ZNF460: variants seen among roughly 807,000 people sequenced by gnomAD.
ZNF460 encodes the protein zinc finger protein 460, also known as zinc finger protein 272.
In ZNF460, 1 loss-of-function variant was observed where a neutral mutation model predicts 8.4. The ratio of observed to expected loss-of-function variants is 0.12; its 90% CI spans 0.04 to 0.56. The LOEUF (loss-of-function observed/expected upper bound fraction) is 0.56. Ranked by LOEUF, ZNF460 falls within the 20% of genes least tolerant of loss-of-function variation. ZNF460 has a pLI of 0.91. For synonymous variants in ZNF460, 262 were observed against 259.9 expected (o/e 1.01, Z -0.08); for missense variants, 477 against 714.8 (o/e 0.67, Z 3.79).
chr19:57,291,895 C>A lies in ZNF460; in HGVS notation c.1354C>A (p.Gln452Lys). The change falls in exon 3 of 3, where the codon CAA becomes AAA. Residue 452 changes from glutamine to lysine, a missense_variant. Gln to Lys is a moderately conservative substitution (Grantham distance 53). Coordinates refer to ENST00000360338, the MANE Select transcript of ZNF460 (RefSeq NM_006635.4). This position sits in a 1 kb window ranked among gnomAD's most constrained non-coding sequence, Gnocchi z 8.4. ...HTGEKPYVCI[Q>K]CGKAFCRTTN... ...TGGAGAGAAGCCGTATGTATGCATC[C>A]AATGTGGGAAAGCCTTTTGTCGGAC... 6.2e-7 allele frequency: 1 copy of A among 1,613,852 alleles called. No homozygotes were observed. The highest frequency in any genetic ancestry group is 8.5e-7 in the Non-Finnish European group (1 of 1,179,958).
chr19:57,292,062 C>T lies in ZNF460; in HGVS notation c.1521C>T (p.Ile507=), dbSNP rs553983779. 1.2e-6 allele frequency: 2 copies of T among 1,614,194 alleles called. No individual in the cohort carries two copies. The highest frequency in any genetic ancestry group is 1.7e-6 in the Non-Finnish European group (2 of 1,180,042). Reference sequence around the variant, plus strand: ...CTGCAGAGAAGTCCCACGAACCCATCCAGAGTGGGAACGTTTCTTGTGAGA... The same window carrying T: ...CTGCAGAGAAGTCCCACGAACCCATTCAGAGTGGGAACGTTTCTTGTGAGA... ...IHTAEKSHEP[I]QSGNVSCEST... is the part of the protein sequence containing the mutation. The change falls in exon 3 of 3, where the codon ATC becomes ATT. Residue 507 remains isoleucine, a synonymous_variant. Transcript: ENST00000360338.
intron 1 of ZNF460, among the ~76,000 whole-genome samples, chr19:57,281,533 C>T (rs1038557085): frequency 6.6e-6 from 1 of 151,016 alleles, no homozygotes; most frequent in Non-Finnish European, 1.5e-5. Flanking sequence ...TATTATTTAA[C>T]CCTCAGTTCG....
Position 57,292,244 on chromosome 19 carries a change from A to G in ZNF460, c.*14A>G, listed in dbSNP as rs1195151043. The G allele has an allele frequency of 6.3e-7, 1 of 1,596,864 alleles. No individual in the cohort carries two copies. Among genetic ancestry groups the G allele is most frequent in the Non-Finnish European group, 8.6e-7 (1 of 1,168,708 alleles). ...CTACCATTGTAACAGATGTGGAAAG[A>G]CTTTTTACGTACACTTCAGTCAACA... On this transcript the variant is annotated 3_prime_UTR_variant, in exon 3 of 3. Transcript: ENST00000360338.
Position 57,292,213 on chromosome 19 carries a change from G to A in ZNF460, c.1672G>A (p.Glu558Lys). The A allele has an allele frequency of 6.2e-7, 1 of 1,611,944 alleles. No homozygotes were observed. Among genetic ancestry groups the A allele is most frequent in the Non-Finnish European group, 8.5e-7 (1 of 1,178,290 alleles). The change falls in exon 3 of 3, where the codon GAA (glutamate) becomes AAA (lysine). Residue 558 changes from glutamate to lysine, a missense_variant. This residue lies in a region of ZNF460 where 83 missense variants were observed against 82.3 expected (regional missense o/e 1.01). Coordinates refer to ENST00000360338, the MANE Select transcript of ZNF460 (RefSeq NM_006635.4). The part of the protein sequence containing the change: ...SLDINGFIVE[E>K]TLPL ...CGACATCAACGGATTCATAGTGGAA[G>A]AAACCCTACCATTGTAACAGATGTG...
At chr19:57,281,556 A>ATTTTTTTTTTTT (rs71293946) in intron 1 of ZNF460, among the ~76,000 whole-genome samples, 1 of 85,042 alleles carries the variant, frequency 1.2e-5, no homozygotes, top group African/African-American at 4.9e-5. Flanking sequence ...TAACCCTGAA[A>ATTTTTTTTTTTT]TTTTTTTTTT....
Position 57,280,753 on chromosome 19 carries a change from G to C in ZNF460, c.-54G>C. ...CGGAGTGCGAAAGTCAGCCGAGGTC[G>C]CCCCGCCCAGGACAGAGAAGGGCTG... On this transcript the variant is annotated 5_prime_UTR_variant, in exon 1 of 3. Transcript: ENST00000360338. 6.2e-7 allele frequency: 1 copy of C among 1,609,624 alleles called. No homozygotes were observed. Among genetic ancestry groups the C allele is most frequent in the Non-Finnish European group, 8.5e-7 (1 of 1,177,728 alleles).
intron 2 of ZNF460, among the ~76,000 whole-genome samples, chr19:57,285,396 C>A (rs1037768364): frequency 1.3e-5 from 2 of 152,060 alleles, no homozygotes; most frequent in Non-Finnish European, 2.9e-5. Flanking sequence ...ACGAAGTGAC[C>A]GTCTAGTCTT....
At chr19:57,281,232 C>T (rs904736373) in intron 1 of ZNF460, among the ~76,000 whole-genome samples, 3 of 152,176 alleles carry the variant, frequency 2.0e-5, no homozygotes, top group Non-Finnish European at 4.4e-5. Flanking sequence ...TTTCTCCTTG[C>T]ACTTCCTTTT....
rs775935835 is a variant in ZNF460, at chr19:57,284,574, G to A, written c.54G>A (p.Val18=). Residue 18 remains valine (V), a synonymous_variant, in exon 2 of 3, where the codon GTG becomes GTA. Coordinates refer to ENST00000360338, the MANE Select transcript of ZNF460 (RefSeq NM_006635.4). The part of the protein sequence containing the change: ...PAQESVTFED[V]AVTFTQEEWG... ...AGGAGTCTGTGACCTTCGAGGATGT[G>A]GCTGTGACATTTACCCAGGAGGAGT... 3 of 1,612,986 alleles carry A rather than the reference G, an allele frequency of 1.9e-6. No homozygotes were observed. Among genetic ancestry groups the A allele is most frequent in the Non-Finnish European group, 2.5e-6 (3 of 1,179,616 alleles).
chr19:57,282,868 G>A (rs1049638354), intron 1 of ZNF460, among the ~76,000 whole-genome samples: 1 of 152,050 alleles, frequency 6.6e-6, no homozygotes, highest in Non-Finnish European at 1.5e-5. Flanking sequence ...TCATGTGCCT[G>A]TAGTCCCAGC....
At chr19:57,281,705 A>T (rs1332024835) in intron 1 of ZNF460, among the ~76,000 whole-genome samples, 1 of 151,690 alleles carries the variant, frequency 6.6e-6, no homozygotes, top group Non-Finnish European at 1.5e-5. Flanking sequence ...AGCTGGGACT[A>T]CAGGTGTGCG....
intron 1 of ZNF460, 54 bp downstream of exon 1, chr19:57,280,890 G>A (rs941842534): frequency 8.7e-6 from 14 of 1,610,444 alleles, no homozygotes; most frequent in African/African-American, 1.3e-5. Context: ...TAGAGGCCTC[G>A]TGGGCAGGCT....
rs2087927302 is a variant in ZNF460 at position 57,292,648 on chromosome 19, C to T, written c.*418C>T. 1 of 163,734 alleles carries T rather than the reference C, an allele frequency of 6.1e-6. No homozygotes were observed. The highest frequency in any genetic ancestry group is 1.6e-4 in the South Asian group (1 of 6,254). 10.1% of individuals were successfully genotyped at this position (163,734 alleles called of 1,614,324 possible). A position where few individuals can be genotyped will look rare whatever the true frequency, so the allele number is the denominator to read the frequency against. On this transcript the variant is annotated 3_prime_UTR_variant, in exon 3 of 3. Coordinates refer to ENST00000360338, the MANE Select transcript of ZNF460 (RefSeq NM_006635.4). Reference sequence around the variant, plus strand: ...GAAGCACAGCTTCTTTCAGACTTCCCTGACAAGCCCATGGCAATTTGTCAT... The same window carrying T: ...GAAGCACAGCTTCTTTCAGACTTCCTTGACAAGCCCATGGCAATTTGTCAT...
Position 57,280,804 on chromosome 19 carries a change from G to GGGATGGCGGCGGCGT in ZNF460, c.6_20dup. On this transcript the variant is annotated 5_prime_UTR_variant, in exon 1 of 3. It adds an upstream start codon to the 5' untranslated region. Transcript: ENST00000360338. ...TGGTCGGCTGATCCGCGGCATTCCC[G>GGGATGGCGGCGGCGT]GGATGGCGGCGGCGTGGATGGCTCC... 6.2e-7 allele frequency: 1 copy of GGGATGGCGGCGGCGT among 1,614,062 alleles called. No homozygotes were observed. Among genetic ancestry groups the GGGATGGCGGCGGCGT allele is most frequent in the Non-Finnish European group, 8.5e-7 (1 of 1,179,990 alleles).
chr19:57,280,618 C>A lies in ZNF460; in HGVS notation c.-189C>A. On this transcript the variant is annotated 5_prime_UTR_variant, in exon 1 of 3. Coordinates refer to ENST00000360338, the MANE Select transcript of ZNF460 (RefSeq NM_006635.4). ...CCCCGCTTCTCCCCTAACGAGGTGTCCCACCGGCGCCCGCCGAGGCCTAGG... is the reference window on the plus strand; with the variant it reads ...CCCCGCTTCTCCCCTAACGAGGTGTACCACCGGCGCCCGCCGAGGCCTAGG... The A allele has an allele frequency of 1.4e-6, 1 of 725,396 alleles. No homozygotes were observed. The highest frequency in any genetic ancestry group is 2.2e-6 in the Non-Finnish European group (1 of 451,458). 44.9% of individuals were successfully genotyped at this position (725,396 alleles called of 1,614,324 possible).
chr19:57,282,220 C>G (rs1277604960), intron 1 of ZNF460, among the ~76,000 whole-genome samples: 1 of 152,172 alleles, frequency 6.6e-6, no homozygotes, highest in African/African-American at 2.4e-5. Context: ...GTTCCCCTTA[C>G]TCCCTTACCT....
At chr19:57,282,771 C>T (rs2087848824) in intron 1 of ZNF460, among the ~76,000 whole-genome samples, 1 of 152,060 alleles carries the variant, frequency 6.6e-6, no homozygotes, top group Non-Finnish European at 1.5e-5. Context: ...AGGTGGACTG[C>T]TTGAGCCCAG....
At chr19:57,284,412 C>A in intron 1 of ZNF460, 139 bp from the exon 2 acceptor site, 1 of 1,054,092 alleles carries the variant, frequency 9.5e-7, no homozygotes, top group Non-Finnish European at 1.4e-6. Flanking sequence ...TTGATCCTAG[C>A]ACAGATCTTG....
At chr19:57,289,916 A>G (rs1293513254) in intron 2 of ZNF460, among the ~76,000 whole-genome samples, 1 of 152,008 alleles carries the variant, frequency 6.6e-6, no homozygotes, top group Non-Finnish European at 1.5e-5. Context: ...CGAGGCAGGC[A>G]GATCACCTGA....
Sources: allele counts gnomAD v4.1 joint callset (sites outside exome capture counted in the v4.1 genomes callset), GRCh38; gene constraint gnomAD v4.1.1; regional missense constraint gnomAD v4.1.1; non-coding constraint Gnocchi (gnomAD v3.1); transcripts MANE v1.5; gene names NCBI Gene and HGNC (gene_info 2026-07-23, HGNC 2026-07-21).